The following MAP6 variants were observed in gnomAD, a reference collection of about 807,000 sequenced individuals.
MAP6 encodes the protein microtubule associated protein 6, also known as microtubule-associated protein 6.
Under a neutral mutation model 42.4 loss-of-function variants are expected in MAP6, and 26 were observed. That is an observed-to-expected ratio of 0.61 (90% CI 0.45 to 0.85). The LOEUF (loss-of-function observed/expected upper bound fraction) is 0.85. Among genes scored for constraint, MAP6 ranks in the 40% least tolerant of loss-of-function variants. The pLI, the probability that MAP6 is intolerant of heterozygous loss-of-function variation, is 0.00. For missense variants in MAP6, 966 were observed against 1,099.0 expected (o/e 0.88, Z 1.71); for synonymous variants, 418 against 443.8 (o/e 0.94, Z 0.73).
At position 75,629,279 on chromosome 11, in the gene MAP6, G is replaced by A. The variant is rs535171287; in HGVS notation, c.906-20957C>T. Among the ~76,000 whole-genome samples the A allele has an allele frequency of 2.0e-4, 31 of 152,112 alleles. No homozygotes were observed. In the Middle Eastern group the frequency reaches 0.01, roughly 50 times the overall value. ...ATTTTTGTATTTTTAGTAGAGATGGGGTTTCACCATGTTGGTCAGGCTGGT... is the reference window on the plus strand; with the variant it reads ...ATTTTTGTATTTTTAGTAGAGATGGAGTTTCACCATGTTGGTCAGGCTGGT... On this transcript the variant is annotated intron_variant, in intron 1 of 3. Transcript: ENST00000304771.
intron 1 of MAP6, among the ~76,000 whole-genome samples, chr11:75,661,546 C>A (rs1283848545): frequency 6.6e-6 from 1 of 151,856 alleles, no homozygotes; most frequent in Non-Finnish European, 1.5e-5. Context: ...GAAAAAAAAT[C>A]TATTAACAGA....
At chr11:75,666,725 T>C (rs545351296) in intron 1 of MAP6, among the ~76,000 whole-genome samples, 19 of 152,366 alleles carry the variant, frequency 1.2e-4, no homozygotes, top group African/African-American at 4.3e-4. Flanking sequence ...GAATATTTAA[T>C]ATTAACTAAA....
At chr11:75,629,195 T>C (rs1392485135) in intron 1 of MAP6, among the ~76,000 whole-genome samples, 1 of 152,184 alleles carries the variant, frequency 6.6e-6, no homozygotes, top group African/African-American at 2.4e-5. Flanking sequence ...TCAAGTGATT[T>C]TCCTGCCTTA....
In MAP6 at chr11:75,644,962, G is replaced by A. The variant is rs75030789; in HGVS notation, c.905+22503C>T. ...ATCAGAGCAGTAAAGGCAGCTAAAA[G>A]CTGAAATACCTCTGGAACTGGTCGA... On this transcript the variant is annotated intron_variant, in intron 1 of 3. Transcript: ENST00000304771. Among the ~76,000 whole-genome samples, 242 of 152,244 alleles carry A rather than the reference G, an allele frequency of 1.6e-3. 2 individuals carry two copies. In the East Asian group the frequency reaches 0.025, roughly 16 times the overall value.
chr11:75,634,703 C>T (rs868450795), intron 1 of MAP6, among the ~76,000 whole-genome samples: 2 of 152,262 alleles, frequency 1.3e-5, no homozygotes, highest in African/African-American at 2.4e-5. Flanking sequence ...TGCTTGGAAA[C>T]GGGCTCTTCA....
Position 75,636,966 on chromosome 11 carries a change from G to A in MAP6, c.906-28644C>T, listed in dbSNP as rs548094655. Among the ~76,000 whole-genome samples the A allele has an allele frequency of 2.6e-5, 4 of 152,216 alleles. No homozygotes were observed. In the East Asian group the frequency reaches 5.8e-4, roughly 22 times the overall value. On this transcript the variant is annotated intron_variant, in intron 1 of 3. Transcript: ENST00000304771. ...TTGTCTCCTGATCCGCTGGCCTCACGGTGTATGAGTAATAATGAAGCTTGC... is the reference window on the plus strand; with the variant it reads ...TTGTCTCCTGATCCGCTGGCCTCACAGTGTATGAGTAATAATGAAGCTTGC...
intron 1 of MAP6, among the ~76,000 whole-genome samples, chr11:75,625,183 C>G (rs1363342352): frequency 6.6e-6 from 1 of 152,068 alleles, no homozygotes; most frequent in African/African-American, 2.4e-5. Flanking sequence ...GAAGATCATC[C>G]CCACAAACTC....
At chr11:75,652,371 T>C (rs1399791579) in intron 1 of MAP6, among the ~76,000 whole-genome samples, 1 of 152,192 alleles carries the variant, frequency 6.6e-6, no homozygotes, top group Non-Finnish European at 1.5e-5. Context: ...TAGCTCTCCA[T>C]GCCCCAGCTG....
In MAP6 at chr11:75,588,199, G is replaced by C; in HGVS notation, c.1317-15C>G. ...GAGCCAGGCTCCTGCAAAGGAGAGA[G>C]AGGTGATCACTGTGAGAGTAGAGCT... is the stretch of plus-strand genomic sequence containing the variant. On this transcript the variant is annotated splice_polypyrimidine_tract_variant and intron_variant, in intron 3 of 3. Transcript: ENST00000304771. 1 of 1,604,310 alleles carries C rather than the reference G, an allele frequency of 6.2e-7. No individual in the cohort carries two copies. The highest frequency in any genetic ancestry group is 8.5e-7 in the Non-Finnish European group (1 of 1,176,744).
chr11:75,606,099 C>T (rs561865752), intron 2 of MAP6, 95 bp from the exon 3 acceptor site: 119 of 1,450,756 alleles, frequency 8.2e-5, no homozygotes, highest in East Asian at 2.4e-4. Flanking sequence ...TAAGGAATGA[C>T]GGTAATGACA....
intron 1 of MAP6, among the ~76,000 whole-genome samples, chr11:75,635,053 C>T (rs1425772293): frequency 6.6e-6 from 1 of 152,104 alleles, no homozygotes; most frequent in South Asian, 2.1e-4. Context: ...CTGTGAAAGT[C>T]GGTGAACCGA....
intron 1 of MAP6, among the ~76,000 whole-genome samples, chr11:75,651,224 T>C (rs111295772): frequency 1.8e-4 from 27 of 152,312 alleles, no homozygotes; most frequent in African/African-American, 5.8e-4. Flanking sequence ...AAGTAATGCA[T>C]TCTACCAAGG....
chr11:75,605,589 A>T, intron 3 of MAP6: 1 of 1,339,246 alleles, frequency 7.5e-7, no homozygotes, highest in Non-Finnish European at 9.6e-7. Flanking sequence ...CTGGTGCTCC[A>T]GGGGCTGCCC....
intron 3 of MAP6, chr11:75,605,495 C>T (rs1038833708): frequency 7.0e-6 from 8 of 1,135,216 alleles, no homozygotes; most frequent in East Asian, 1.3e-4. Flanking sequence ...CCGGGAGATT[C>T]GTTTCGCCTC....
intron 1 of MAP6, among the ~76,000 whole-genome samples, chr11:75,652,503 C>A (rs2135680310): frequency 6.6e-6 from 1 of 152,274 alleles, no homozygotes; most frequent in South Asian, 2.1e-4. Context: ...TCTTCTCTGA[C>A]TTTTCAAGTT....
chr11:75,639,778 C>G (rs1943431758), intron 1 of MAP6, among the ~76,000 whole-genome samples: 1 of 152,072 alleles, frequency 6.6e-6, no homozygotes, highest in South Asian at 2.1e-4. Context: ...GGTTTGTGTG[C>G]AGGAGAGAGA....
chr11:75,646,497 A>AT (rs1372233875), intron 1 of MAP6, among the ~76,000 whole-genome samples: 2 of 130,058 alleles, frequency 1.5e-5, no homozygotes, highest in South Asian at 2.6e-4. Flanking sequence ...ACCCATCTCT[A>AT]TTAAAAAAAA....
intron 3 of MAP6, 32 bp downstream of exon 3, chr11:75,605,776 G>C: frequency 6.2e-7 from 1 of 1,605,048 alleles, no homozygotes; most frequent in African/African-American, 1.3e-5. Context: ...GAGAGAGAGA[G>C]AAGAGTAAAA....
Position 75,587,078 on chromosome 11 carries a change from T to C in MAP6, c.2423A>G (p.Tyr808Cys). The C allele has an allele frequency of 6.3e-7, 1 of 1,594,196 alleles. No homozygotes were observed. Among genetic ancestry groups the C allele is most frequent in the Non-Finnish European group, 8.6e-7 (1 of 1,167,858 alleles). ...TGAGTGTCAAGGGGAGCTCTCAATG[T>C]ATTCCGTATGGGGGGCAGTTGGGAT... Reference protein sequence around the residue: ...VMIPTAPHTEYIESSP With the variant: ...VMIPTAPHTECIESSP The change falls in exon 4 of 4, where the codon TAC becomes TGC. Residue 808 changes from tyrosine (Y) to cysteine (C), a missense_variant. By Grantham distance (194) the Tyr-to-Cys change is radical. This residue lies in a region of MAP6 where 943 missense variants were observed against 1,049.9 expected (regional missense o/e 0.90). Coordinates refer to ENST00000304771, the MANE Select transcript of MAP6 (RefSeq NM_033063.2).
Sources: gnomAD v4.1 joint callset for allele counts (sites outside exome capture counted in the v4.1 genomes callset) on GRCh38, gnomAD v4.1.1 for gene constraint, gnomAD v4.1.1 regional missense constraint, MANE v1.5 for transcripts, NCBI Gene and HGNC (gene_info 2026-07-23, HGNC 2026-07-21) for gene names.